CACNA1I: variants seen among roughly 807,000 people sequenced by gnomAD.
CACNA1I encodes the protein voltage-dependent T-type calcium channel subunit alpha-1I.
Under a neutral mutation model 201.6 loss-of-function variants are expected in CACNA1I, and 74 were observed. That is an observed-to-expected ratio of 0.37 (90% confidence interval 0.30 to 0.45). The LOEUF (loss-of-function observed/expected upper bound fraction) is 0.45. CACNA1I is among the 20% of genes least tolerant of loss of function. The pLI is 1.00. For synonymous variants in CACNA1I, 1,431 were observed against 1,345.2 expected (o/e 1.06, Z -1.40); for missense variants, 2,346 against 3,138.1 (o/e 0.75, Z 6.03).
At chr22:39,683,440 G>A (rs1935760484) in intron 35 of CACNA1I, among the ~76,000 whole-genome samples, 1 of 152,150 alleles carries the variant, frequency 6.6e-6, no homozygotes. Flanking sequence ...GCTGGCCAGG[G>A]TGGCTGAGGT....
chr22:39,665,819 G>A lies in CACNA1I; in HGVS notation c.3979-62G>A, dbSNP rs992301165. ...GTCTGAGTAAACGCGATCGAGAGGC[G>A]AGTTCCTCTCTGACTTGCAACCCTC... On this transcript the variant is annotated intron_variant, in intron 22 of 36. Transcript: ENST00000402142. This position sits in a 1 kb window ranked among gnomAD's most constrained non-coding sequence, Gnocchi z 5.5. 26 of 1,605,174 alleles carry A rather than the reference G, an allele frequency of 1.6e-5. No homozygotes were observed. Among genetic ancestry groups the A allele is most frequent in the Non-Finnish European group, 2.0e-5 (24 of 1,172,922 alleles).
intron 3 of CACNA1I, among the ~76,000 whole-genome samples, chr22:39,615,034 C>T (rs1463641014): frequency 1.3e-5 from 2 of 152,206 alleles, no homozygotes; most frequent in African/African-American, 2.4e-5. Context: ...CTCCTGTAAG[C>T]GATGTCTTAT....
chr22:39,628,118 G>A (rs192583969), intron 4 of CACNA1I, among the ~76,000 whole-genome samples: 3 of 152,264 alleles, frequency 2.0e-5, no homozygotes, highest in African/African-American at 7.2e-5. Flanking sequence ...CTACAAATCC[G>A]GAGGGAGGGA....
intron 26 of CACNA1I, among the ~76,000 whole-genome samples, chr22:39,671,970 G>T (rs557320125): frequency 6.6e-6 from 1 of 151,994 alleles, no homozygotes; most frequent in Non-Finnish European, 1.5e-5. Context: ...GCCTCCAAAG[G>T]TACCAACTCG....
intron 23 of CACNA1I, among the ~76,000 whole-genome samples, chr22:39,667,660 C>G (rs976354816): frequency 6.6e-6 from 1 of 152,126 alleles, no homozygotes; most frequent in Non-Finnish European, 1.5e-5. Flanking sequence ...TCTGCCATCT[C>G]TGTGGGAGCC....
Position 39,662,839 on chromosome 22 carries a change from G to A in CACNA1I, c.3436G>A (p.Glu1146Lys). The stretch of plus-strand genomic sequence containing the variant: ...TAAGCCCGACTGGTGCGAGGTCCGC[G>A]AAGACTGGTCTGTCTACCTCTTCTC... ...VYKPDWCEVREDWSVYLFSPE... is the reference protein window; with the variant it reads ...VYKPDWCEVRKDWSVYLFSPE... Residue 1146 changes from glutamate to lysine, a missense_variant, in exon 18 of 37, where the codon GAA (glutamate) becomes AAA (lysine). By Grantham distance (56) the Glu-to-Lys change is moderately conservative. Transcript: ENST00000402142. The A allele has an allele frequency of 3.7e-6, 6 of 1,601,574 alleles. No individual in the cohort carries two copies. Among genetic ancestry groups the A allele is most frequent in the Middle Eastern group, 1.7e-4 (1 of 5,858 alleles).
chr22:39,674,022 G>A lies in CACNA1I; in HGVS notation c.4843G>A (p.Ala1615Thr), dbSNP rs1254316539. ...GGCCCTGCTGGACACGGTGGTGCAA[G>A]CTTTGCCCCAGGTAAGAGCCACTCT... ...MRALLDTVVQ[A>T]LPQVGNLGLL... is the part of the protein sequence containing the mutation. Residue 1615 changes from alanine (A) to threonine (T), a missense_variant, in exon 29 of 37, where the codon GCT becomes ACT. Physicochemically the swap from Ala to Thr is moderately conservative, Grantham distance 58 (BLOSUM62 0). Around this residue, in one of 13 missense-constraint regions of CACNA1I, gnomAD observed 50 missense variants for 43.6 expected, o/e 1.15. Coordinates refer to ENST00000402142, the MANE Select transcript of CACNA1I (RefSeq NM_021096.4). 1 of 1,613,336 alleles carries A rather than the reference G, an allele frequency of 6.2e-7. No individual in the cohort carries two copies.
At chr22:39,587,083 C>T (rs1932762206) in intron 1 of CACNA1I, among the ~76,000 whole-genome samples, 1 of 152,194 alleles carries the variant, frequency 6.6e-6, no homozygotes, top group African/African-American at 2.4e-5. Context: ...GGACCTTCCA[C>T]CTTGGCTTCT....
At chr22:39,632,342 A>G (rs951529823) in intron 4 of CACNA1I, among the ~76,000 whole-genome samples, 5 of 152,032 alleles carry the variant, frequency 3.3e-5, no homozygotes, top group Non-Finnish European at 7.4e-5. Context: ...GCTTAGAAAT[A>G]TGCCAGCAGA....
In CACNA1I at chr22:39,662,045, C is replaced by T; in HGVS notation, c.2982C>T (p.Leu994=). 1 of 1,564,886 alleles carries T rather than the reference C, an allele frequency of 6.4e-7. No homozygotes were observed. The highest frequency in any genetic ancestry group is 8.6e-7 in the Non-Finnish European group (1 of 1,159,882). ...WASRRSSWNS[L]KHKPPSAEHE... ...GCCGTCGCTCCAGCTGGAACAGCCTCAAGCACAAGCCGCCGTCGGCGGAGC... is the reference window on the plus strand; with the variant it reads ...GCCGTCGCTCCAGCTGGAACAGCCTTAAGCACAAGCCGCCGTCGGCGGAGC... Residue 994 remains leucine, a synonymous_variant, in exon 17 of 37, where the codon CTC becomes CTT. Transcript: ENST00000402142.
At chr22:39,656,988 C>G (rs987967420) in intron 10 of CACNA1I, among the ~76,000 whole-genome samples, 2 of 152,144 alleles carry the variant, frequency 1.3e-5, no homozygotes, top group African/African-American at 4.8e-5. Flanking sequence ...GGCTGGGCCT[C>G]GTAGGAGCCT....
At chr22:39,618,420 T>C (rs1933625822) in intron 3 of CACNA1I, among the ~76,000 whole-genome samples, 1 of 151,870 alleles carries the variant, frequency 6.6e-6, no homozygotes, top group South Asian at 2.1e-4. Flanking sequence ...TGCATGTACG[T>C]GACTCTGTGT....
intron 1 of CACNA1I, among the ~76,000 whole-genome samples, chr22:39,580,619 G>A (rs1932517463): frequency 6.6e-6 from 1 of 152,198 alleles, no homozygotes; most frequent in South Asian, 2.1e-4. Context: ...AGGGCACAGG[G>A]AGGGGTTTAG....
At chr22:39,610,287 A>G (rs183852661) in intron 3 of CACNA1I, among the ~76,000 whole-genome samples, 129 of 152,172 alleles carry the variant, frequency 8.5e-4, no homozygotes, top group African/African-American at 3.0e-3. Context: ...GCATCATTAC[A>G]TGTTTGTTTC....
In CACNA1I at chr22:39,685,717, G is replaced by A. The variant is rs1003192525; in HGVS notation, c.6028-44G>A. The A allele has an allele frequency of 1.4e-6, 2 of 1,404,150 alleles. No homozygotes were observed. Among genetic ancestry groups the A allele is most frequent in the Admixed American group, 6.3e-5 (2 of 31,790 alleles). 87.0% of individuals were successfully genotyped at this position (1,404,150 alleles called of 1,614,324 possible). A position where few individuals can be genotyped will look rare whatever the true frequency, so the allele number is the denominator to read the frequency against. ...AGGGCGGCGTCCAGGTTGCTGGGGT[G>A]GGGGCCGACACAGGCGGCCTCCACG... On this transcript the variant is annotated intron_variant, in intron 36 of 36. Coordinates refer to ENST00000402142, the MANE Select transcript of CACNA1I (RefSeq NM_021096.4). This position sits in a 1 kb window ranked among gnomAD's most constrained non-coding sequence, Gnocchi z 5.0.
intron 3 of CACNA1I, among the ~76,000 whole-genome samples, chr22:39,614,073 C>T (rs983887605): frequency 1.3e-5 from 2 of 152,136 alleles, no homozygotes; most frequent in East Asian, 1.9e-4. Context: ...GTCTTGAACT[C>T]GTGACTTCAG....
intron 4 of CACNA1I, among the ~76,000 whole-genome samples, chr22:39,625,391 A>G (rs1933869879): frequency 6.6e-6 from 1 of 152,230 alleles, no homozygotes. Flanking sequence ...ACAACCAGGA[A>G]GATGCAAGTG....
chr22:39,582,691 G>C (rs554930554), intron 1 of CACNA1I, among the ~76,000 whole-genome samples: 1 of 151,628 alleles, frequency 6.6e-6, no homozygotes, highest in African/African-American at 2.4e-5. Context: ...TTACTGAAAT[G>C]TCACATTCCC....
chr22:39,653,465 G>C (rs1279949181), intron 10 of CACNA1I, among the ~76,000 whole-genome samples: 1 of 152,164 alleles, frequency 6.6e-6, no homozygotes, highest in African/African-American at 2.4e-5. Context: ...TTTATTTTGA[G>C]CAGCCCTGTC....
Sources: gnomAD v4.1 joint callset for allele counts (sites outside exome capture counted in the v4.1 genomes callset) on GRCh38, gnomAD v4.1.1 for gene constraint, gnomAD v4.1.1 regional missense constraint, Gnocchi (gnomAD v3.1) non-coding constraint, MANE v1.5 for transcripts, NCBI Gene and HGNC (gene_info 2026-07-23, HGNC 2026-07-21) for gene names.